Variants in ZNF469 observed in about 807,000 individuals in gnomAD.
The protein encoded by ZNF469 is zinc finger protein 469.
A neutral mutation model predicts 1.0 loss-of-function variants in ZNF469; 1 was observed. That is an observed-to-expected ratio of 1.00 (90% confidence interval 0.35 to 4.73). The LOEUF (loss-of-function observed/expected upper bound fraction) is 4.73. Among genes scored for constraint, ZNF469 ranks in the 30% most tolerant of loss-of-function variants. ZNF469 has a pLI of 0.16. For synonymous variants in ZNF469, 2,703 were observed against 2,363.4 expected (o/e 1.14, Z -4.17); for missense variants, 6,100 against 5,356.3 (o/e 1.14, Z -4.33).
the ZNF469 span, among the ~76,000 whole-genome samples, chr16:88,319,936 T>A: frequency 6.6e-6 from 1 of 152,184 alleles, no homozygotes. Flanking sequence ...CTGACCCTCA[T>A]GTGGGGTCAG....
the ZNF469 span, among the ~76,000 whole-genome samples, chr16:88,214,143 G>A: frequency 5.9e-5 from 9 of 152,298 alleles, 1 homozygote; most frequent in South Asian, 1.9e-3. Context: ...CCCCAGGGAA[G>A]CATGGAGGCA....
chr16:88,231,287 A>G, the ZNF469 span, among the ~76,000 whole-genome samples: 2 of 152,166 alleles, frequency 1.3e-5, no homozygotes, highest in Non-Finnish European at 2.9e-5. This position sits in a 1 kb window ranked among gnomAD's most constrained non-coding sequence, Gnocchi z 4.5. Context: ...ACAGTGCTGA[A>G]AAGGTTTGGG....
the ZNF469 span, among the ~76,000 whole-genome samples, chr16:88,135,778 T>TG: frequency 8.0e-5 from 10 of 124,750 alleles, no homozygotes; most frequent in East Asian, 1.8e-3. Flanking sequence ...TTTTTTTTTT[T>TG]GGGATGGAGT....
At chr16:88,231,776 T>C in the ZNF469 span, among the ~76,000 whole-genome samples, 1 of 152,082 alleles carries the variant, frequency 6.6e-6, no homozygotes, top group Non-Finnish European at 1.5e-5. The surrounding 1 kb of genome is among the most constrained non-coding windows in gnomAD (Gnocchi z 4.5). Flanking sequence ...GCCACTCCCA[T>C]CTCAAGAGCC....
chr16:88,250,403 C>A, the ZNF469 span, among the ~76,000 whole-genome samples: 1 of 152,136 alleles, frequency 6.6e-6, no homozygotes, highest in African/African-American at 2.4e-5. Context: ...ATTTTTATTG[C>A]TGAATAGTAT....
the ZNF469 span, among the ~76,000 whole-genome samples, chr16:88,298,112 C>G: frequency 1.3e-5 from 2 of 152,156 alleles, no homozygotes; most frequent in African/African-American, 4.8e-5. Flanking sequence ...CAGATGTAAC[C>G]CCGCCATCCT....
rs367958437 is a variant in ZNF469 at position 88,400,468 on chromosome 16, A to C, written c.-192+17214A>C. 1.7e-4 allele frequency among the ~76,000 whole-genome samples: 26 copies of C among 152,346 alleles called. No homozygotes were observed. The South Asian group carries it at 5.4e-3, about 32-fold the overall frequency. ...GGAGCTGGCCAGACCAGGAAGGAGC[A>C]CAGTCCCAGAGCTGCTGTGGGTCTT... On this transcript the variant is annotated intron_variant, in intron 1 of 2. Coordinates refer to ENST00000565624, the MANE Select transcript of ZNF469 (RefSeq NM_001367624.2).
the ZNF469 span, among the ~76,000 whole-genome samples, chr16:88,291,333 T>A: frequency 1.3e-5 from 2 of 152,182 alleles, no homozygotes; most frequent in Non-Finnish European, 2.9e-5. Flanking sequence ...ACTTGTTTGA[T>A]GCATGAAGGG....
In ZNF469 at chr16:88,436,705, G is replaced by A. The variant is rs1567516021; in HGVS notation, c.9235G>A (p.Glu3079Lys). Residue 3079 changes from glutamate (E) to lysine (K), a missense_variant, in exon 3 of 3, where the codon GAG becomes AAG. Transcript: ENST00000565624. ...GLPGPSFLDFEGTASSQGPQS... is the reference protein window; with the variant it reads ...GLPGPSFLDFKGTASSQGPQS... ...CCCCGGCCCCAGCTTCTTAGACTTC[G>A]AGGGCACGGCGAGCTCACAGGGGCC... 2.6e-6 allele frequency: 4 copies of A among 1,549,766 alleles called. No homozygotes were observed. Among genetic ancestry groups the A allele is most frequent in the East Asian group, 2.4e-5 (1 of 40,898 alleles).
At chr16:88,410,963 C>T (rs933712372) in intron 1 of ZNF469, among the ~76,000 whole-genome samples, 1 of 152,150 alleles carries the variant, frequency 6.6e-6, no homozygotes, top group African/African-American at 2.4e-5. Flanking sequence ...CGCCTCACTC[C>T]ACCTCTACCT....
At chr16:88,422,074 C>T (rs367950267) in intron 1 of ZNF469, among the ~76,000 whole-genome samples, 14 of 133,944 alleles carry the variant, frequency 1.0e-4, no homozygotes, top group African/African-American at 3.5e-4. Flanking sequence ...GAAGGGTGGA[C>T]GGGTGGCTGA....
chr16:88,196,831 G>C, the ZNF469 span, among the ~76,000 whole-genome samples: 3 of 152,170 alleles, frequency 2.0e-5, no homozygotes, highest in African/African-American at 7.2e-5. Flanking sequence ...TTTGTCCGAT[G>C]CCAAAGCTCT....
the ZNF469 span, among the ~76,000 whole-genome samples, chr16:88,148,459 A>C: frequency 6.6e-6 from 1 of 152,102 alleles, no homozygotes. Context: ...GTCTTTCTTT[A>C]ATCACGAATC....
chr16:88,189,984 C>A, the ZNF469 span, among the ~76,000 whole-genome samples: 1 of 152,206 alleles, frequency 6.6e-6, no homozygotes, highest in Non-Finnish European at 1.5e-5. This position sits in a 1 kb window ranked among gnomAD's most constrained non-coding sequence, Gnocchi z 4.3. Flanking sequence ...CTCTGGGGAA[C>A]TTTCAAGATC....
the ZNF469 span, among the ~76,000 whole-genome samples, chr16:88,202,956 C>G: frequency 6.6e-6 from 1 of 152,144 alleles, no homozygotes; most frequent in Non-Finnish European, 1.5e-5. Flanking sequence ...TGTCCTTTGC[C>G]GTGACAGTCT....
the ZNF469 span, among the ~76,000 whole-genome samples, chr16:88,229,554 A>ATGTCACGCGTGTGTGCTGATGCCACG: frequency 7.4e-6 from 1 of 135,872 alleles, no homozygotes; most frequent in African/African-American, 2.6e-5. Flanking sequence ...TGGATGTCAC[A>ATGTCACGCGTGTGTGCTGATGCCACG]CGTGTGGATG....
chr16:88,403,291 C>T (rs1164618777), intron 1 of ZNF469, among the ~76,000 whole-genome samples: 1 of 152,240 alleles, frequency 6.6e-6, no homozygotes, highest in Non-Finnish European at 1.5e-5. Context: ...TTACCCTGGA[C>T]TTCTCATTTT....
chr16:88,237,968 A>T, the ZNF469 span, among the ~76,000 whole-genome samples: 11 of 150,938 alleles, frequency 7.3e-5, no homozygotes, highest in Non-Finnish European at 1.6e-4. Context: ...AGCACCTAAG[A>T]CTCCTCCCTG....
the ZNF469 span, among the ~76,000 whole-genome samples, chr16:88,358,002 G>A: frequency 6.6e-6 from 1 of 152,362 alleles, no homozygotes. Flanking sequence ...GGAAGAAACT[G>A]AGGCACAGAG....
Sources: allele counts gnomAD v4.1 joint callset (sites outside exome capture counted in the v4.1 genomes callset), GRCh38; gene constraint gnomAD v4.1.1; non-coding constraint Gnocchi (gnomAD v3.1); transcripts MANE v1.5; gene names NCBI Gene and HGNC (gene_info 2026-07-23, HGNC 2026-07-21).